PRKAG2: variants seen among roughly 807,000 people sequenced by gnomAD.
The protein encoded by PRKAG2 is protein kinase AMP-activated non-catalytic subunit gamma 2.
Under a neutral mutation model 69.6 loss-of-function variants are expected in PRKAG2, and 26 were observed. The observed-to-expected ratio is 0.37, with a 90% CI of 0.27 to 0.52. The LOEUF (loss-of-function observed/expected upper bound fraction) is 0.52, where lower values mean the gene tolerates loss of function less well. PRKAG2 is among the 20% of genes least tolerant of loss of function. The pLI is 0.90. For missense variants in PRKAG2, 557 were observed against 740.0 expected, an observed-to-expected ratio of 0.75 and a Z score of 2.87; for synonymous variants, 293 against 285.0, an observed-to-expected ratio of 1.03 and a Z score of -0.28.
chr7:151,718,468 C>T (rs10952317), intron 3 of PRKAG2, among the ~76,000 whole-genome samples: 15,799 of 152,024 alleles, frequency 0.1, 1,738 homozygotes, highest in African/African-American at 0.27. Flanking sequence ...CACGAGTCCT[C>T]CAGCTGCATG....
chr7:151,678,326 C>T (rs547132188), intron 3 of PRKAG2, among the ~76,000 whole-genome samples: 9 of 152,292 alleles, frequency 5.9e-5, no homozygotes, highest in Admixed American at 5.9e-4. Context: ...CCAGTGCTGT[C>T]CTGAGCCAAG....
chr7:151,764,334 C>A (rs975633221), intron 3 of PRKAG2, among the ~76,000 whole-genome samples: 1 of 152,240 alleles, frequency 6.6e-6, no homozygotes, highest in Non-Finnish European at 1.5e-5. Flanking sequence ...GAGAGACCAG[C>A]GCTCCAGAAG....
intron 3 of PRKAG2, chr7:151,735,944 T>C (rs779371165): frequency 6.5e-7 from 1 of 1,536,318 alleles, no homozygotes; most frequent in South Asian, 1.2e-5. Context: ...CGTGCTTCGA[T>C]TTTGGTCCTT....
At chr7:151,565,022 G>A (rs935389990) in intron 13 of PRKAG2, among the ~76,000 whole-genome samples, 3 of 152,228 alleles carry the variant, frequency 2.0e-5, no homozygotes, top group Non-Finnish European at 2.9e-5. Flanking sequence ...CACTGCGCAC[G>A]CGTCTAGAGG....
intron 4 of PRKAG2, among the ~76,000 whole-genome samples, chr7:151,656,244 T>C (rs1381090048): frequency 6.6e-6 from 1 of 152,100 alleles, no homozygotes; most frequent in African/African-American, 2.4e-5. Flanking sequence ...ACAAACTACG[T>C]TTCACGACAA....
At position 151,874,204 on chromosome 7, in the gene PRKAG2, TATGTATATGTATATG is replaced by T. The variant is rs1201371079; in HGVS notation, c.114+2288_114+2302del. On this transcript the variant is annotated intron_variant, in intron 1 of 15. Coordinates refer to ENST00000287878, the MANE Select transcript of PRKAG2 (RefSeq NM_016203.4). ...TGTATATGTATATGTATATGATGTA[TATGTATATGTATATG>T]ATGTATATGTATATGATGTATATGT... Among the ~76,000 whole-genome samples, 18 of 129,176 alleles carry T rather than the reference TATGTATATGTATATG, an allele frequency of 1.4e-4. No homozygotes were observed. In the South Asian group the frequency reaches 2.5e-3, roughly 18 times the overall value. The allele number at this position is 129,176 out of a possible 152,430, so 84.7% of individuals were successfully genotyped here. A position where few individuals can be genotyped will look rare whatever the true frequency, so the allele number is the denominator to read the frequency against.
At chr7:151,851,427 T>A (rs931479887) in intron 1 of PRKAG2, among the ~76,000 whole-genome samples, 5 of 152,052 alleles carry the variant, frequency 3.3e-5, no homozygotes, top group Non-Finnish European at 7.4e-5. Context: ...CCCACCTCGC[T>A]GTGGGCAACT....
intron 1 of PRKAG2, among the ~76,000 whole-genome samples, chr7:151,841,601 GGGTAGTGATAGTA>G (rs2079288534): frequency 6.9e-6 from 1 of 145,874 alleles, no homozygotes; most frequent in African/African-American, 2.6e-5. Context: ...AGGTAGTGAT[GGGTAGTGATAGTA>G]GGTAGGGATG....
intron 1 of PRKAG2, among the ~76,000 whole-genome samples, chr7:151,825,642 CT>C (rs1336344109): frequency 2.0e-5 from 3 of 152,226 alleles, no homozygotes; most frequent in Non-Finnish European, 2.9e-5. Flanking sequence ...GTTTTTTCCC[CT>C]TTCATGTTAA....
At chr7:151,574,204 C>T (rs896944215) in intron 8 of PRKAG2, among the ~76,000 whole-genome samples, 2 of 152,140 alleles carry the variant, frequency 1.3e-5, no homozygotes, top group African/African-American at 4.8e-5. Context: ...CCAAATAGGA[C>T]TAGTTAAATA....
intron 3 of PRKAG2, among the ~76,000 whole-genome samples, chr7:151,731,945 C>T (rs1799006465): frequency 6.6e-6 from 1 of 152,048 alleles, no homozygotes; most frequent in African/African-American, 2.4e-5. Flanking sequence ...TCAAGTGATC[C>T]TCCCACCTTA....
intron 7 of PRKAG2, 129 bp downstream of exon 7, chr7:151,576,242 G>A: frequency 1.0e-6 from 1 of 974,588 alleles, no homozygotes; most frequent in Non-Finnish European, 1.6e-6. Flanking sequence ...CACCCTGCCA[G>A]CAAGAATGTT....
At chr7:151,582,486 G>A (rs908719376) in intron 6 of PRKAG2, among the ~76,000 whole-genome samples, 2 of 152,142 alleles carry the variant, frequency 1.3e-5, no homozygotes, top group African/African-American at 4.8e-5. Context: ...AAGCCCCAGT[G>A]AAGCAGCAGT....
chr7:151,694,120 C>T (rs1293408856), intron 3 of PRKAG2, among the ~76,000 whole-genome samples: 2 of 152,158 alleles, frequency 1.3e-5, no homozygotes, highest in East Asian at 1.9e-4. Context: ...GTGATCTGCC[C>T]GCCTCAGCCT....
chr7:151,635,575 A>G (rs1170596727), intron 4 of PRKAG2, among the ~76,000 whole-genome samples: 12 of 152,200 alleles, frequency 7.9e-5, no homozygotes, highest in Admixed American at 7.9e-4. Context: ...GCTGAGGGGG[A>G]AAAAGCCAGT....
chr7:151,870,808 G>T (rs1413281105), intron 1 of PRKAG2, among the ~76,000 whole-genome samples: 1 of 152,256 alleles, frequency 6.6e-6, no homozygotes, highest in African/African-American at 2.4e-5. Context: ...ACGCGGCGGG[G>T]GGAGGCACCG....
intron 3 of PRKAG2, among the ~76,000 whole-genome samples, chr7:151,734,051 C>T (rs187207023): frequency 6.6e-6 from 1 of 152,058 alleles, no homozygotes; most frequent in African/African-American, 2.4e-5. Context: ...TGGAACTCTA[C>T]TCGATTAGAC....
intron 5 of PRKAG2, among the ~76,000 whole-genome samples, chr7:151,619,733 A>G (rs1821013044): frequency 6.6e-6 from 1 of 152,192 alleles, no homozygotes; most frequent in South Asian, 2.1e-4. Context: ...AAATCAGAAA[A>G]CCGGCTAGAC....
chr7:151,809,092 G>A lies in PRKAG2; in HGVS notation c.115-22551C>T, dbSNP rs151067847. Among the ~76,000 whole-genome samples the A allele has an allele frequency of 4.3e-3, 657 of 152,350 alleles. 6 individuals are homozygous for A. Among genetic ancestry groups the A allele is most frequent in the Middle Eastern group, 0.014 (4 of 294 alleles). The stretch of plus-strand genomic sequence containing the variant: ...GCACGGATGAGTATGGGGTGACTCA[G>A]AGGGAAGGGGTGGTGGCAGATGCCT... On this transcript the variant is annotated intron_variant, in intron 1 of 15. Transcript: ENST00000287878.
Sources: allele counts gnomAD v4.1 joint callset (sites outside exome capture counted in the v4.1 genomes callset), GRCh38; gene constraint gnomAD v4.1.1; transcripts MANE v1.5; gene names NCBI Gene and HGNC (gene_info 2026-07-23, HGNC 2026-07-21).